Variants in CPAP observed in about 807,000 individuals in gnomAD.
CPAP encodes centrosome assembly and centriole elongation protein, also known as centrosomal P4.1-associated protein.
the CPAP span, chr13:24,913,080 G>C: frequency 3.4e-6 from 5 of 1,491,736 alleles, no homozygotes; most frequent in Non-Finnish European, 4.7e-6. Context: ...AAGAGCTATT[G>C]ATTTCCAACA....
At chr13:24,889,262 T>A in the CPAP span, 1 of 1,191,662 alleles carries the variant, frequency 8.4e-7, no homozygotes. Context: ...GGGTATAAAT[T>A]GTTTATTCCT....
At chr13:24,906,623 C>G in the CPAP span, 2 of 1,614,204 alleles carry the variant, frequency 1.2e-6, no homozygotes, top group Non-Finnish European at 1.7e-6. Context: ...TATTTTCAAT[C>G]CTGACGGAGA....
the CPAP span, chr13:24,911,967 A>G: frequency 1.2e-6 from 2 of 1,614,160 alleles, no homozygotes; most frequent in Non-Finnish European, 1.7e-6. Context: ...CACTGCCCAG[A>G]CACCATGGTG....
At chr13:24,911,998 C>T in the CPAP span, 1 of 1,614,170 alleles carries the variant, frequency 6.2e-7, no homozygotes. Context: ...CTTGTTCTTC[C>T]ATGAGTCTCT....
chr13:24,905,581 A>G, the CPAP span: 22 of 1,614,106 alleles, frequency 1.4e-5, no homozygotes, highest in East Asian at 8.9e-5. Context: ...GCGGCGTCCC[A>G]TAAGTGGATT....
chr13:24,882,868 T>G, the CPAP span: 1 of 209,906 alleles, frequency 4.8e-6, no homozygotes, highest in South Asian at 3.7e-5. Flanking sequence ...CTTCCTGTAC[T>G]TCTTGGTTTT....
At chr13:24,885,231 T>C in the CPAP span, 1 of 1,267,332 alleles carries the variant, frequency 7.9e-7, no homozygotes, top group South Asian at 1.2e-5. Flanking sequence ...TTTTAACCCA[T>C]GTTTATTTTT....
chr13:24,919,332 G>A, the CPAP span, among the ~76,000 whole-genome samples: 1 of 152,158 alleles, frequency 6.6e-6, no homozygotes, highest in South Asian at 2.1e-4. Context: ...ACCAATTTAG[G>A]TGTGTTTTAT....
chr13:24,907,235 G>A, the CPAP span: 2 of 1,482,394 alleles, frequency 1.3e-6, no homozygotes, highest in Non-Finnish European at 1.9e-6. Context: ...AAATCATAAT[G>A]TGTGAATATT....
chr13:24,906,827 T>C, the CPAP span: 2 of 1,614,132 alleles, frequency 1.2e-6, no homozygotes, highest in South Asian at 2.2e-5. Flanking sequence ...GGAAGTGCTC[T>C]GGTTAGTCAC....
chr13:24,892,815 G>A, the CPAP span: 5 of 1,611,456 alleles, frequency 3.1e-6, no homozygotes, highest in South Asian at 5.5e-5. Context: ...TGACCATTTG[G>A]TTTCCTTTCT....
the CPAP span, among the ~76,000 whole-genome samples, chr13:24,930,767 T>C: frequency 6.6e-6 from 1 of 152,244 alleles, no homozygotes; most frequent in Non-Finnish European, 1.5e-5. Flanking sequence ...AGTGCTGTGA[T>C]GAACATACTA....
the CPAP span, chr13:24,909,809 T>C: frequency 1.2e-6 from 2 of 1,612,752 alleles, no homozygotes; most frequent in Non-Finnish European, 1.7e-6. Context: ...GGTTACGGTT[T>C]TCTTCTTTTA....
the CPAP span, chr13:24,910,120 T>G: frequency 1.9e-6 from 3 of 1,598,336 alleles, no homozygotes; most frequent in South Asian, 2.2e-5. Flanking sequence ...AGCTGATGAC[T>G]TCCTTCAACA....
the CPAP span, among the ~76,000 whole-genome samples, chr13:24,915,730 C>T: frequency 1.9e-4 from 29 of 152,012 alleles, 1 homozygote; most frequent in African/African-American, 6.5e-4. Flanking sequence ...ACCCAGGAGG[C>T]GGGGGTTGCA....
chr13:24,908,228 A>G, the CPAP span: 3 of 774,388 alleles, frequency 3.9e-6, no homozygotes, highest in East Asian at 5.3e-5. Context: ...TTTTTAATTA[A>G]AAGTAATGTA....
the CPAP span, among the ~76,000 whole-genome samples, chr13:24,891,758 A>G: frequency 1.5e-4 from 22 of 151,532 alleles, no homozygotes; most frequent in Non-Finnish European, 3.2e-4. Context: ...ACTCCCACTC[A>G]CTCAAAAAAT....
the CPAP span, among the ~76,000 whole-genome samples, chr13:24,908,472 G>A: frequency 7.0e-6 from 1 of 142,594 alleles, no homozygotes; most frequent in African/African-American, 2.7e-5. Flanking sequence ...AAATTAGCCA[G>A]GCGTGGTGGC....
chr13:24,890,540 G>T, the CPAP span, among the ~76,000 whole-genome samples: 1 of 152,148 alleles, frequency 6.6e-6, no homozygotes, highest in Non-Finnish European at 1.5e-5. Context: ...CACACTGTCA[G>T]CTTCCCTCCC....
Sources: allele counts gnomAD v4.1 joint callset (sites outside exome capture counted in the v4.1 genomes callset), GRCh38; gene constraint gnomAD v4.1.1; transcripts MANE v1.5; gene names NCBI Gene and HGNC (gene_info 2026-07-23, HGNC 2026-07-21).